EPM2A: variants seen among roughly 807,000 people sequenced by gnomAD.
EPM2A encodes the protein EPM2A glucan phosphatase, laforin, also known as laforin.
EPM2A carries 21 observed loss-of-function variants against 26.5 expected under a neutral mutation model. The ratio of observed to expected loss-of-function variants is 0.79; its 90% CI spans 0.56 to 1.14. The LOEUF is 1.14. EPM2A is among the 50% of genes most tolerant of loss of function. The pLI is 0.00. For synonymous variants in EPM2A, 217 were observed against 177.6 expected, an observed-to-expected ratio of 1.22 and a Z score of -1.76; for missense variants, 458 against 440.8, an observed-to-expected ratio of 1.04 and a Z score of -0.35.
At chr6:145,700,706 T>C (rs1781863924) in intron 1 of EPM2A, among the ~76,000 whole-genome samples, 1 of 152,170 alleles carries the variant, frequency 6.6e-6, no homozygotes, top group Non-Finnish European at 1.5e-5. Flanking sequence ...CTTCAGAACA[T>C]TGAGAAATAT....
intron 4 of EPM2A, among the ~76,000 whole-genome samples, chr6:145,441,580 C>T (rs1779063749): frequency 6.6e-6 from 1 of 152,084 alleles, no homozygotes; most frequent in Non-Finnish European, 1.5e-5. Flanking sequence ...AAACTGAATG[C>T]TGCCTGGGTG....
chr6:145,471,168 C>T (rs1283381479), intron 4 of EPM2A, among the ~76,000 whole-genome samples: 2 of 152,048 alleles, frequency 1.3e-5, no homozygotes, highest in Non-Finnish European at 2.9e-5. Context: ...CTGTCAAGGC[C>T]TATTGTTTTC....
chr6:145,531,603 C>T (rs967750844), intron 2 of EPM2A, among the ~76,000 whole-genome samples: 14 of 152,136 alleles, frequency 9.2e-5, no homozygotes, highest in South Asian at 6.2e-4. Context: ...TGTGTCCACA[C>T]GCCCTCAGAT....
intron 2 of EPM2A, among the ~76,000 whole-genome samples, chr6:145,532,715 T>A (rs187000318): frequency 4.5e-4 from 68 of 152,284 alleles, no homozygotes; most frequent in African/African-American, 1.5e-3. Flanking sequence ...TGTTGTTGGG[T>A]CAGGGTCTGT....
chr6:145,469,917 C>A (rs938434958), intron 4 of EPM2A, among the ~76,000 whole-genome samples: 4 of 151,954 alleles, frequency 2.6e-5, no homozygotes, highest in African/African-American at 9.7e-5. Flanking sequence ...TAAAGCCAGG[C>A]ACAGAAAGAG....
intron 2 of EPM2A, among the ~76,000 whole-genome samples, chr6:145,588,597 T>C (rs1477497754): frequency 1.3e-5 from 2 of 152,202 alleles, no homozygotes; most frequent in African/African-American, 2.4e-5. Flanking sequence ...GTTTTTTCCT[T>C]TGAGCCATAC....
chr6:145,703,081 ATAAACATG>A (rs995463421), intron 1 of EPM2A, among the ~76,000 whole-genome samples: 8 of 146,544 alleles, frequency 5.5e-5, no homozygotes, highest in African/African-American at 2.0e-4. Context: ...AGCAAATTTG[ATAAACATG>A]TTTCTTTTTT....
chr6:145,573,288 G>C (rs1465221253), intron 2 of EPM2A, among the ~76,000 whole-genome samples: 1 of 152,198 alleles, frequency 6.6e-6, no homozygotes, highest in Non-Finnish European at 1.5e-5. Flanking sequence ...GTATATTACT[G>C]GCCTTACCAG....
At chr6:145,710,755 A>G (rs1775267791) in intron 1 of EPM2A, among the ~76,000 whole-genome samples, 2 of 152,120 alleles carry the variant, frequency 1.3e-5, no homozygotes, top group South Asian at 2.1e-4. Flanking sequence ...GATTAAGAAA[A>G]TGTGGCACAT....
At chr6:145,501,706 C>T (rs1779892063) in exon 4 of EPM2A, 1 of 455,940 alleles carries the variant, frequency 2.2e-6, no homozygotes, top group African/African-American at 2.0e-5. Flanking sequence ...CACAACTATT[C>T]AATGCTTATG....
At chr6:145,403,725 A>G (rs1778528379) in intron 4 of EPM2A, among the ~76,000 whole-genome samples, 1 of 152,164 alleles carries the variant, frequency 6.6e-6, no homozygotes. Flanking sequence ...TGCAACAAAC[A>G]GGAGTGCAGC....
chr6:145,673,355 A>G (rs1779787083), intron 2 of EPM2A, among the ~76,000 whole-genome samples: 1 of 152,188 alleles, frequency 6.6e-6, no homozygotes, highest in African/African-American at 2.4e-5. Context: ...TCCCAGTGTG[A>G]TCGACGCAGA....
At chr6:145,427,502 G>T (rs144308076) in intron 4 of EPM2A, among the ~76,000 whole-genome samples, 121 of 152,250 alleles carry the variant, frequency 7.9e-4, no homozygotes, top group African/African-American at 2.7e-3. Flanking sequence ...GGTAATAGGG[G>T]TGGAGGTGTC....
At chr6:145,562,818 T>C (rs1780826891) in intron 2 of EPM2A, among the ~76,000 whole-genome samples, 1 of 151,816 alleles carries the variant, frequency 6.6e-6, no homozygotes, top group Admixed American at 6.6e-5. Flanking sequence ...AAGACTATGA[T>C]GTGGAAAATG....
Position 145,666,855 on chromosome 6 carries a change from C to T in EPM2A, c.476+19267G>A, listed in dbSNP as rs1157616793. Among the ~76,000 whole-genome samples, 556 of 143,982 alleles carry T rather than the reference C, an allele frequency of 3.9e-3. 5 individuals are homozygous for T. The highest frequency in any genetic ancestry group is 0.015 in the African/African-American group (507 of 34,068). 94.5% of individuals were successfully genotyped at this position (143,982 alleles called of 152,430 possible). A position where few individuals can be genotyped will look rare whatever the true frequency, so the allele number is the denominator to read the frequency against. ...AACAGAAAAGAGCCCTCAGAAATAACACCGCATACCTACAACTATCTGATC... is the reference window on the plus strand; with the variant it reads ...AACAGAAAAGAGCCCTCAGAAATAATACCGCATACCTACAACTATCTGATC... On this transcript the variant is annotated intron_variant, in intron 2 of 3. Coordinates refer to ENST00000367519, the MANE Select transcript of EPM2A (RefSeq NM_005670.4).
downstream of EPM2A, among the ~76,000 whole-genome samples, chr6:145,624,755 T>G (rs541132483): frequency 6.6e-6 from 1 of 152,200 alleles, no homozygotes; most frequent in African/African-American, 2.4e-5. Flanking sequence ...TTCAAATCTC[T>G]CCTTTCATTA....
intron 4 of EPM2A, among the ~76,000 whole-genome samples, chr6:145,488,331 T>C (rs577400448): frequency 6.6e-6 from 1 of 152,246 alleles, no homozygotes; most frequent in South Asian, 2.1e-4. Context: ...AATTTTAAAA[T>C]ATTTTTTCTA....
At chr6:145,426,512 T>C (rs1778856222) in intron 4 of EPM2A, among the ~76,000 whole-genome samples, 2 of 152,340 alleles carry the variant, frequency 1.3e-5, no homozygotes, top group African/African-American at 2.4e-5. Flanking sequence ...GATGGGATAC[T>C]AAAGGGTTGA....
chr6:145,720,109 ACTT>A (rs1775872654), intron 1 of EPM2A, among the ~76,000 whole-genome samples: 1 of 152,154 alleles, frequency 6.6e-6, no homozygotes, highest in African/African-American at 2.4e-5. Context: ...AGATAATAAA[ACTT>A]CTTCAACCAC....
Sources: allele counts gnomAD v4.1 joint callset (sites outside exome capture counted in the v4.1 genomes callset), GRCh38; gene constraint gnomAD v4.1.1; transcripts MANE v1.5; gene names NCBI Gene and HGNC (gene_info 2026-07-23, HGNC 2026-07-21).